THSD7B: variants seen among roughly 807,000 people sequenced by gnomAD.
The protein encoded by THSD7B is thrombospondin type-1 domain-containing protein 7B.
A neutral mutation model predicts 213.6 loss-of-function variants in THSD7B; 138 were observed. The ratio of observed to expected loss-of-function variants is 0.65; its 90% CI spans 0.56 to 0.74. THSD7B has a LOEUF of 0.74. Among genes scored for constraint, THSD7B ranks in the 30% least tolerant of loss-of-function variants. The pLI is 0.00. For missense variants in THSD7B, 1,931 were observed against 1,991.5 expected (o/e 0.97, Z 0.58); for synonymous variants, 742 against 687.0 (o/e 1.08, Z -1.25).
intron 5 of THSD7B, among the ~76,000 whole-genome samples, chr2:137,156,398 G>A (rs577818881): frequency 2.0e-4 from 30 of 152,284 alleles, no homozygotes; most frequent in African/African-American, 7.0e-4. Flanking sequence ...GTGCTGAAGA[G>A]ACATGACTAC....
At chr2:137,142,246 G>T (rs1679601432) in intron 5 of THSD7B, among the ~76,000 whole-genome samples, 1 of 152,194 alleles carries the variant, frequency 6.6e-6, no homozygotes, top group Middle Eastern at 3.4e-3. Context: ...TTATAACATG[G>T]CAGAAAGTAT....
chr2:137,086,528 G>T (rs1417924547), intron 3 of THSD7B, among the ~76,000 whole-genome samples: 1 of 151,978 alleles, frequency 6.6e-6, no homozygotes, highest in African/African-American at 2.4e-5. Context: ...GGGTCCACTG[G>T]GTACTCCAGA....
intron 3 of THSD7B, 138 bp downstream of exon 3, chr2:137,057,368 G>A (rs1296350337): frequency 1.1e-6 from 1 of 899,878 alleles, no homozygotes; most frequent in Non-Finnish European, 1.6e-6. Flanking sequence ...TTTCATGTAA[G>A]AAATTTTTAA....
At chr2:137,482,471 T>C (rs903595692) in intron 15 of THSD7B, among the ~76,000 whole-genome samples, 5 of 152,212 alleles carry the variant, frequency 3.3e-5, no homozygotes, top group African/African-American at 1.2e-4. Flanking sequence ...GCAGGATGAA[T>C]GTGGCATAGC....
chr2:136,775,818 T>C (rs1681591953), intron 1 of THSD7B, among the ~76,000 whole-genome samples: 1 of 152,134 alleles, frequency 6.6e-6, no homozygotes, highest in African/African-American at 2.4e-5. Context: ...GCATTGCTAG[T>C]TTAACTATTT....
chr2:136,887,203 C>A (rs1683733249), intron 2 of THSD7B, among the ~76,000 whole-genome samples: 4 of 151,994 alleles, frequency 2.6e-5, no homozygotes, highest in Admixed American at 2.6e-4. Flanking sequence ...ATTTTCATCA[C>A]CCCAAGCTAT....
intron 20 of THSD7B, among the ~76,000 whole-genome samples, chr2:137,630,407 G>A (rs1682719351): frequency 6.6e-6 from 1 of 152,170 alleles, no homozygotes; most frequent in African/African-American, 2.4e-5. Context: ...CTCTGTGGGT[G>A]TATCATGTTA....
intron 1 of THSD7B, among the ~76,000 whole-genome samples, chr2:136,837,538 A>G (rs1432738478): frequency 1.3e-5 from 2 of 152,032 alleles, no homozygotes; most frequent in East Asian, 3.9e-4. Flanking sequence ...CAACTCTGCC[A>G]CTCTCTATTC....
intron 12 of THSD7B, among the ~76,000 whole-genome samples, chr2:137,298,225 T>C (rs188045654): frequency 1.3e-5 from 2 of 152,238 alleles, no homozygotes; most frequent in East Asian, 3.9e-4. Flanking sequence ...GCAAAGAGAT[T>C]GGTGGCATTT....
chr2:137,591,005 C>G (rs1681854947), intron 17 of THSD7B, among the ~76,000 whole-genome samples: 1 of 151,492 alleles, frequency 6.6e-6, no homozygotes, highest in East Asian at 1.9e-4. Context: ...TTTTCTGATA[C>G]ACTTTAAAAA....
intron 3 of THSD7B, among the ~76,000 whole-genome samples, chr2:137,089,660 G>GA (rs1687914499): frequency 6.6e-6 from 1 of 152,018 alleles, no homozygotes; most frequent in Non-Finnish European, 1.5e-5. Flanking sequence ...GACTCAGTGG[G>GA]AAAGGGTGGG....
At chr2:137,511,574 G>T (rs1290826077) in intron 15 of THSD7B, among the ~76,000 whole-genome samples, 1 of 152,178 alleles carries the variant, frequency 6.6e-6, no homozygotes. Context: ...TGATAGCCTG[G>T]TTCCCTTGTA....
chr2:137,544,795 T>C (rs996246366), intron 15 of THSD7B, among the ~76,000 whole-genome samples: 1 of 151,844 alleles, frequency 6.6e-6, no homozygotes, highest in Non-Finnish European at 1.5e-5. Context: ...TATGTCTCAG[T>C]TATAAAATTA....
chr2:137,051,102 A>G (rs968479996), intron 2 of THSD7B, among the ~76,000 whole-genome samples: 51 of 152,174 alleles, frequency 3.4e-4, no homozygotes, highest in Non-Finnish European at 1.5e-4. Flanking sequence ...GCTTGCTGCT[A>G]TAGATCTAGT....
At chr2:137,676,317 A>G (rs1425556716) in intron 27 of THSD7B, among the ~76,000 whole-genome samples, 4 of 152,218 alleles carry the variant, frequency 2.6e-5, no homozygotes, top group South Asian at 2.1e-4. Flanking sequence ...CACTAAACCA[A>G]TTTTAAGATT....
chr2:137,651,051 C>T (rs1049731262), intron 21 of THSD7B, among the ~76,000 whole-genome samples: 7 of 152,026 alleles, frequency 4.6e-5, no homozygotes, highest in African/African-American at 1.7e-4. Flanking sequence ...TTGCTATGCC[C>T]GTTTCTGGTC....
At chr2:136,817,786 A>C (rs1317113080) in intron 1 of THSD7B, among the ~76,000 whole-genome samples, 2 of 150,442 alleles carry the variant, frequency 1.3e-5, no homozygotes, top group Non-Finnish European at 3.0e-5. Flanking sequence ...GCCAAAAAAC[A>C]CATGAAAAAA....
At chr2:136,880,360 C>T (rs936150990) in intron 1 of THSD7B, among the ~76,000 whole-genome samples, 1 of 152,140 alleles carries the variant, frequency 6.6e-6, no homozygotes, top group African/African-American at 2.4e-5. Context: ...AACTTCTACC[C>T]TTCAGATCCC....
intron 1 of THSD7B, among the ~76,000 whole-genome samples, chr2:136,851,268 G>A (rs961208061): frequency 6.6e-6 from 1 of 151,796 alleles, no homozygotes; most frequent in Non-Finnish European, 1.5e-5. Flanking sequence ...ATTCTCATCT[G>A]CTATAAGTAT....
Sources: allele counts gnomAD v4.1 joint callset (sites outside exome capture counted in the v4.1 genomes callset), GRCh38; gene constraint gnomAD v4.1.1; transcripts MANE v1.5; gene names NCBI Gene and HGNC (gene_info 2026-07-23, HGNC 2026-07-21).